Variants in STS observed in about 807,000 individuals in gnomAD.
STS encodes steroid sulfatase, also known as steryl-sulfatase.
STS carries 7 observed loss-of-function variants against 26.8 expected under a neutral mutation model. The observed-to-expected ratio is 0.26, with a 90% confidence interval of 0.15 to 0.49. The LOEUF is 0.49. Ranked by LOEUF, STS falls within the 20% of genes least tolerant of loss-of-function variation. The pLI is 0.98. For missense variants in STS, 434 were observed against 465.6 expected, an observed-to-expected ratio of 0.93 and a Z score of 0.63; for synonymous variants, 199 against 189.4, an observed-to-expected ratio of 1.05 and a Z score of -0.42.
chrX:7,166,174 A>C (rs1397297207), intron 1 of STS, among the ~76,000 whole-genome samples: 4 of 109,673 alleles, frequency 3.6e-5, no homozygotes, highest in Non-Finnish European at 7.6e-5. Context: ...CACCTGACTA[A>C]TTTTTGTATT....
intron 1 of STS, among the ~76,000 whole-genome samples, chrX:7,175,377 CTACT>C (rs1933548834): frequency 1.8e-5 from 2 of 109,973 alleles, no homozygotes; most frequent in Non-Finnish European, 1.9e-5. Flanking sequence ...GCTTGTAGTT[CTACT>C]TACTTGGGAG....
intron 7 of STS, among the ~76,000 whole-genome samples, chrX:7,280,024 T>C (rs1924782445): frequency 8.9e-6 from 1 of 111,825 alleles, no homozygotes; most frequent in African/African-American, 3.3e-5. Flanking sequence ...GAACATGAAA[T>C]CTACACCACT....
chrX:7,224,918 G>C (rs1290775403), intron 2 of STS, among the ~76,000 whole-genome samples: 2 of 112,184 alleles, frequency 1.8e-5, no homozygotes, highest in Non-Finnish European at 3.8e-5. Flanking sequence ...TTCCTTGGCT[G>C]AATTCTCTCT....
At chrX:7,325,288 G>C in intron 8 of STS, 51 bp from the exon 9 acceptor site, 2 of 1,180,753 alleles carry the variant, frequency 1.7e-6, no homozygotes, top group South Asian at 1.8e-5. Context: ...AGTGAGCATT[G>C]AAAGGATTGA....
chrX:7,238,163 C>T (rs1342775871), intron 2 of STS, among the ~76,000 whole-genome samples: 4 of 86,794 alleles, frequency 4.6e-5, no homozygotes, highest in Non-Finnish European at 9.0e-5. Context: ...TGTGTGTGTA[C>T]ACACAATGCG....
At chrX:7,198,934 T>C (rs1296028896) in intron 2 of STS, among the ~76,000 whole-genome samples, 2 of 111,850 alleles carry the variant, frequency 1.8e-5, no homozygotes, top group East Asian at 5.6e-4. Context: ...TTTTTTTCTT[T>C]ATAGAGTTTT....
intron 1 of STS, among the ~76,000 whole-genome samples, chrX:7,178,887 C>T (rs755989180): frequency 2.9e-5 from 3 of 104,876 alleles, no homozygotes; most frequent in South Asian, 9.2e-4. Context: ...AAAGTGGTAA[C>T]TGGCTTTCTC....
Position 7,296,683 on chromosome X carries a change from G to A in STS, c.944-8363G>A, listed in dbSNP as rs1282237230. On this transcript the variant is annotated intron_variant, in intron 7 of 10. Coordinates refer to ENST00000674429, the MANE Select transcript of STS (RefSeq NM_001320752.2). Reference sequence around the variant, plus strand: ...CCCATGAACGTGAGAACAAGTTGGAGTTATTTAAATTATTTCCAGCAAATG... The same window carrying A: ...CCCATGAACGTGAGAACAAGTTGGAATTATTTAAATTATTTCCAGCAAATG... Among the ~76,000 whole-genome samples the A allele has an allele frequency of 3.6e-5, 4 of 112,420 alleles. No homozygotes were observed. In the South Asian group the frequency reaches 1.1e-3, roughly 31 times the overall value.
At position 7,240,701 on chromosome X, in the gene STS, T is replaced by C. The variant is rs185636821; in HGVS notation, c.-4-12495T>C. ...AAGTCATCATTGACTGTTGCCTCTT[T>C]CTGACACTTCACATCCAGGCAATTA... On this transcript the variant is annotated intron_variant, in intron 2 of 10. Transcript: ENST00000674429. Among the ~76,000 whole-genome samples, 30 of 108,767 alleles carry C rather than the reference T, an allele frequency of 2.8e-4. No individual in the cohort carries two copies. The East Asian group carries it at 8.5e-3, about 31-fold the overall frequency. The allele number at this position is 108,767 out of a possible 115,157, so 94.5% of individuals were successfully genotyped here.
chrX:7,199,704 G>A (rs778364994), intron 2 of STS, among the ~76,000 whole-genome samples: 17 of 111,066 alleles, frequency 1.5e-4, no homozygotes, highest in Non-Finnish European at 3.0e-4. Context: ...CAGAGTGGGG[G>A]TTGATTAAGT....
intron 7 of STS, among the ~76,000 whole-genome samples, chrX:7,300,008 C>T (rs1184208217): frequency 8.9e-6 from 1 of 111,802 alleles, no homozygotes; most frequent in Non-Finnish European, 1.9e-5. Context: ...TTAATAGTAG[C>T]TTAGTGCTTG....
rs1928751696 is a variant in STS, at chrX:7,350,524, A to G, written c.*263A>G. The G allele has an allele frequency of 5.1e-6, 2 of 393,446 alleles. No homozygotes were observed. Among genetic ancestry groups the G allele is most frequent in the Non-Finnish European group, 4.4e-6 (1 of 228,403 alleles). 32.4% of individuals were successfully genotyped at this position (393,446 alleles called of 1,213,427 possible). On this transcript the variant is annotated 3_prime_UTR_variant, in exon 11 of 11. Coordinates refer to ENST00000674429, the MANE Select transcript of STS (RefSeq NM_001320752.2). ...AGAGTCTTGGACTCATGGAAATAGA[A>G]TGAATAGAGGGGCATTCACAAGGCA...
At chrX:7,289,353 G>A (rs765528173) in intron 7 of STS, among the ~76,000 whole-genome samples, 55 of 111,678 alleles carry the variant, frequency 4.9e-4, no homozygotes, top group Non-Finnish European at 8.1e-4. Flanking sequence ...ACAGGGGAGG[G>A]TGGGATGGTT....
intron 2 of STS, among the ~76,000 whole-genome samples, chrX:7,204,748 T>C (rs749930621): frequency 2.9e-5 from 3 of 102,750 alleles, no homozygotes; most frequent in Non-Finnish European, 6.0e-5. Context: ...CTTTCTTCCT[T>C]TCTTCCCTCT....
At chrX:7,344,848 A>G (rs1342003557) in intron 10 of STS, among the ~76,000 whole-genome samples, 1 of 111,181 alleles carries the variant, frequency 9.0e-6, no homozygotes. Flanking sequence ...TGTGCCGAAC[A>G]GGCTTTCCAG....
chrX:7,210,164 C>T (rs1374874307), intron 2 of STS, among the ~76,000 whole-genome samples: 7 of 110,921 alleles, frequency 6.3e-5, no homozygotes, highest in Non-Finnish European at 1.9e-5. Flanking sequence ...TGGGTCAAAT[C>T]GCATTTCTGG....
intron 1 of STS, among the ~76,000 whole-genome samples, chrX:7,151,878 G>A (rs1311260274): frequency 8.9e-6 from 1 of 111,864 alleles, no homozygotes; most frequent in Non-Finnish European, 1.9e-5. Flanking sequence ...CTAGACCATT[G>A]ACCCCCTCCT....
intron 1 of STS, among the ~76,000 whole-genome samples, chrX:7,177,129 A>G (rs1226229795): frequency 3.6e-5 from 4 of 111,399 alleles, no homozygotes. Context: ...AATCACATCT[A>G]CAAACTCCCT....
At chrX:7,168,880 A>G (rs1193856091) in intron 1 of STS, among the ~76,000 whole-genome samples, 1 of 111,285 alleles carries the variant, frequency 9.0e-6, no homozygotes, top group Admixed American at 9.6e-5. Flanking sequence ...TATTTGTCCA[A>G]ATTTCATTTT....
Sources: allele counts gnomAD v4.1 joint callset (sites outside exome capture counted in the v4.1 genomes callset), GRCh38; gene constraint gnomAD v4.1.1; transcripts MANE v1.5; gene names NCBI Gene and HGNC (gene_info 2026-07-23, HGNC 2026-07-21).